PTPN21: variants seen among roughly 807,000 people sequenced by gnomAD.
The protein encoded by PTPN21 is protein tyrosine phosphatase non-receptor type 21.
PTPN21 carries 77 observed loss-of-function variants against 131.8 expected under a neutral mutation model. The observed-to-expected ratio is 0.58, with a 90% CI of 0.49 to 0.71. The LOEUF (loss-of-function observed/expected upper bound fraction) is 0.71, where lower values mean the gene tolerates loss of function less well. Among genes scored for constraint, PTPN21 ranks in the 30% least tolerant of loss-of-function variants. PTPN21 has a pLI of 0.00. For synonymous variants in PTPN21, 715 were observed against 621.3 expected (o/e 1.15, Z -2.24); for missense variants, 1,552 against 1,527.1 (o/e 1.02, Z -0.27).
At chr14:88,491,494 AC>A (rs753366744) in intron 10 of PTPN21, among the ~76,000 whole-genome samples, 13 of 152,174 alleles carry the variant, frequency 8.5e-5, no homozygotes, top group Non-Finnish European at 1.8e-4. Context: ...GCTTTAGTTT[AC>A]CCATCTGGCC....
chr14:88,472,904 CACA>C (rs1188020269), intron 14 of PTPN21, among the ~76,000 whole-genome samples: 3 of 152,130 alleles, frequency 2.0e-5, no homozygotes, highest in Admixed American at 6.5e-5. Flanking sequence ...TTTAAAAAGC[CACA>C]ACAACAAGAG....
At chr14:88,500,560 G>C (rs2077992463) in intron 8 of PTPN21, among the ~76,000 whole-genome samples, 1 of 152,152 alleles carries the variant, frequency 6.6e-6, no homozygotes, top group Non-Finnish European at 1.5e-5. Flanking sequence ...ATAATAGGCC[G>C]TCATTATAGG....
intron 2 of PTPN21, among the ~76,000 whole-genome samples, chr14:88,546,107 T>TAAAAAAAAAAAAAGAAG (rs1399196836): frequency 6.6e-6 from 1 of 152,058 alleles, no homozygotes; most frequent in African/African-American, 2.4e-5. Context: ...ATTAACCACG[T>TAAAAAAAAAAAAAGAAG]TGCTTTTAAT....
chr14:88,497,977 T>C (rs972084830), intron 8 of PTPN21, among the ~76,000 whole-genome samples: 3 of 151,922 alleles, frequency 2.0e-5, no homozygotes, highest in Non-Finnish European at 4.4e-5. Context: ...GGTGGGCACC[T>C]GCAATCCCAG....
chr14:88,468,336 G>C, intron 18 of PTPN21, 71 bp from the exon 19 acceptor site: 1 of 1,430,902 alleles, frequency 7.0e-7, no homozygotes. Flanking sequence ...GAGGACACGA[G>C]TGTCCTGGCA....
At chr14:88,551,024 A>G (rs1002604319) in intron 1 of PTPN21, among the ~76,000 whole-genome samples, 22 of 152,182 alleles carry the variant, frequency 1.4e-4, no homozygotes, top group African/African-American at 5.3e-4. Flanking sequence ...AAAAGTGCCA[A>G]ATGGCCCCAA....
In PTPN21 at chr14:88,518,386, GTATATATATATATATA is replaced by G. The variant is rs71126987; in HGVS notation, c.181-1141_181-1126del. ...CACGTGTGTGTGTATGTGTGTGTGT[GTATATATATATATATA>G]TATATATATATATTTTTTTTTTTTT... On this transcript the variant is annotated intron_variant, in intron 2 of 18. Coordinates refer to ENST00000556564, the MANE Select transcript of PTPN21 (RefSeq NM_007039.4). 1.0e-3 allele frequency among the ~76,000 whole-genome samples: 10 copies of G among 9,706 alleles called. 1 individual carries two copies. The highest frequency in any genetic ancestry group is 5.3e-3 in the South Asian group (1 of 190). 6.4% of individuals were successfully genotyped at this position (9,706 alleles called of 152,430 possible).
chr14:88,467,965 G>C lies in PTPN21; in HGVS notation c.*172C>G. 2.3e-6 allele frequency: 2 copies of C among 873,002 alleles called. No individual in the cohort carries two copies. Among genetic ancestry groups the C allele is most frequent in the East Asian group, 5.0e-5 (2 of 40,252 alleles). 54.1% of individuals were successfully genotyped at this position (873,002 alleles called of 1,614,324 possible). On this transcript the variant is annotated 3_prime_UTR_variant, in exon 19 of 19. Coordinates refer to ENST00000556564, the MANE Select transcript of PTPN21 (RefSeq NM_007039.4). ...TTCCCAGGTTAGAAACCCCTCTTCA[G>C]CCTGTGCTTCGCACGTTTCCTTCAG...
chr14:88,507,472 A>G (rs899628239), intron 4 of PTPN21, among the ~76,000 whole-genome samples: 1 of 152,172 alleles, frequency 6.6e-6, no homozygotes, highest in Non-Finnish European at 1.5e-5. Flanking sequence ...TGCTCATAGA[A>G]GCCTATACAG....
chr14:88,487,054 C>T (rs1004223512), intron 10 of PTPN21, among the ~76,000 whole-genome samples: 9 of 149,006 alleles, frequency 6.0e-5, no homozygotes, highest in Admixed American at 6.7e-5. Flanking sequence ...GTGAGATTTT[C>T]AACTACTCAC....
intron 9 of PTPN21, 71 bp downstream of exon 9, chr14:88,497,132 C>T: frequency 8.5e-7 from 1 of 1,175,332 alleles, no homozygotes. Context: ...CAAACACATA[C>T]AGGCACGCAG....
rs572448229 is a variant in PTPN21, at chr14:88,550,408, G to A, written c.10C>T (p.Pro4Ser). ...GTGCGTTTCAGTTTCAACCCAAATG[G>A]CAGTGGCATCTTCTTCTTTCTTCAA... Reference protein sequence around the residue: MPLPFGLKLKRTRR... With the variant: MPLSFGLKLKRTRR... The change falls in exon 2 of 19, where the codon CCA becomes TCA. Residue 4 changes from proline to serine, a missense_variant. Pro to Ser is a moderately conservative substitution (Grantham distance 74). Around this residue, in one of 4 missense-constraint regions of PTPN21, gnomAD observed 206 missense variants for 221.6 expected, o/e 0.93. Coordinates refer to ENST00000556564, the MANE Select transcript of PTPN21 (RefSeq NM_007039.4). 2.5e-6 allele frequency: 4 copies of A among 1,613,698 alleles called. No homozygotes were observed. In the South Asian group the frequency reaches 3.3e-5, roughly 13 times the overall value.
chr14:88,502,351 C>T (rs978526125), intron 6 of PTPN21, among the ~76,000 whole-genome samples: 1 of 152,176 alleles, frequency 6.6e-6, no homozygotes, highest in Non-Finnish European at 1.5e-5. Flanking sequence ...CCCTAATATC[C>T]TTCAAGACTC....
intron 13 of PTPN21, among the ~76,000 whole-genome samples, chr14:88,477,636 C>A (rs888511637): frequency 3.9e-5 from 6 of 151,984 alleles, no homozygotes; most frequent in Non-Finnish European, 7.4e-5. Context: ...TGAGATGAGC[C>A]GTCCTGTCGG....
intron 13 of PTPN21, among the ~76,000 whole-genome samples, chr14:88,474,389 T>C (rs894669196): frequency 6.6e-6 from 1 of 152,098 alleles, no homozygotes; most frequent in Non-Finnish European, 1.5e-5. Flanking sequence ...GGGGTCTCAC[T>C]ATGTTGCCCA....
chr14:88,554,517 C>CG, intron 1 of PTPN21, 134 bp downstream of exon 1: 2 of 152,144 alleles, frequency 1.3e-5, no homozygotes, highest in East Asian at 3.9e-4. Context: ...GCTCCCGCTA[C>CG]GGGTCTGGCC....
At position 88,526,186 on chromosome 14, in the gene PTPN21, G is replaced by A. The variant is rs138771700; in HGVS notation, c.181-8925C>T. Among the ~76,000 whole-genome samples, 861 of 152,186 alleles carry A rather than the reference G, an allele frequency of 5.7e-3. 11 individuals carry two copies. The highest frequency in any genetic ancestry group is 0.02 in the African/African-American group (829 of 41,522). ...ATGGGATACAGAATTTCCTTTGGGG[G>A]TGATGAAAATGTTTTAGAAATAGAC... On this transcript the variant is annotated intron_variant, in intron 2 of 18. Coordinates refer to ENST00000556564, the MANE Select transcript of PTPN21 (RefSeq NM_007039.4).
Position 88,469,718 on chromosome 14 carries a change from T to C in PTPN21, c.3016A>G (p.Lys1006Glu). The C allele has an allele frequency of 6.2e-7, 1 of 1,614,116 alleles. No individual in the cohort carries two copies. The highest frequency in any genetic ancestry group is 1.1e-5 in the South Asian group (1 of 91,082). Residue 1006 changes from lysine to glutamate, a missense_variant, in exon 17 of 19, where the codon AAG (lysine) becomes GAG (glutamate). Around this residue, in one of 4 missense-constraint regions of PTPN21, gnomAD observed 316 missense variants for 378.5 expected, o/e 0.83. Transcript: ENST00000556564. The surrounding 1 kb of genome is among the most constrained non-coding windows in gnomAD (Gnocchi z 4.3). ...AGTCGTGGCCAGTACCTAAAGCTCTTCTCCCTTCCACCCTCCTGTTAAAGA... is the reference window on the plus strand; with the variant it reads ...AGTCGTGGCCAGTACCTAAAGCTCTCCTCCCTTCCACCCTCCTGTTAAAGA... The part of the protein sequence containing the change: ...VTAEEEGGRE[K>E]SFRYWPRLGS...
At chr14:88,474,251 G>A (rs563272224) in intron 13 of PTPN21, among the ~76,000 whole-genome samples, 36 of 151,236 alleles carry the variant, frequency 2.4e-4, no homozygotes, top group Admixed American at 1.4e-3. Context: ...TGGAATGCAG[G>A]GGCACCATCA....
Sources: allele counts gnomAD v4.1 joint callset (sites outside exome capture counted in the v4.1 genomes callset), GRCh38; gene constraint gnomAD v4.1.1; regional missense constraint gnomAD v4.1.1; non-coding constraint Gnocchi (gnomAD v3.1); transcripts MANE v1.5; gene names NCBI Gene and HGNC (gene_info 2026-07-23, HGNC 2026-07-21).